DROSHA: variants seen among roughly 807,000 people sequenced by gnomAD.
DROSHA encodes the protein ribonuclease 3.
Under a neutral mutation model 181.9 loss-of-function variants are expected in DROSHA, and 56 were observed. The ratio of observed to expected loss-of-function variants is 0.31; its 90% CI spans 0.25 to 0.38. DROSHA has a LOEUF of 0.38. Ranked by LOEUF, DROSHA falls within the 10% of genes least tolerant of loss-of-function variation. DROSHA has a pLI of 1.00. For synonymous variants in DROSHA, 524 were observed against 591.2 expected, an observed-to-expected ratio of 0.89 and a Z score of 1.65; for missense variants, 1,218 against 1,743.5, an observed-to-expected ratio of 0.70 and a Z score of 5.37.
At chr5:31,418,257 G>A (rs148415130) in intron 30 of DROSHA, among the ~76,000 whole-genome samples, 58 of 152,048 alleles carry the variant, frequency 3.8e-4, no homozygotes, top group African/African-American at 1.4e-3. Context: ...GAGAGAGAGA[G>A]AGAGGGAGAC....
intron 9 of DROSHA, 111 bp downstream of exon 9, chr5:31,510,923 TA>T: frequency 7.4e-7 from 1 of 1,359,562 alleles, no homozygotes; most frequent in South Asian, 1.4e-5. Flanking sequence ...TTAAGAAAAA[TA>T]AAATGAAAAA....
At chr5:31,406,980 A>G (rs1740730555) in intron 33 of DROSHA, 35 bp from the exon 34 acceptor site, 1 of 1,588,878 alleles carries the variant, frequency 6.3e-7, no homozygotes, top group Admixed American at 1.7e-5. Context: ...TATTATGGTA[A>G]AGTGTTATTT....
intron 30 of DROSHA, among the ~76,000 whole-genome samples, chr5:31,419,684 T>C (rs1742431121): frequency 6.6e-6 from 1 of 152,134 alleles, no homozygotes; most frequent in Admixed American, 6.5e-5. Flanking sequence ...CCAGGGGAAA[T>C]GTGTGTATTT....
At chr5:31,463,675 T>C (rs967576226) in intron 20 of DROSHA, among the ~76,000 whole-genome samples, 1 of 152,174 alleles carries the variant, frequency 6.6e-6, no homozygotes, top group Non-Finnish European at 1.5e-5. Flanking sequence ...AAAACAAAAA[T>C]GCTTATTAGT....
chr5:31,524,078 T>C (rs559787662), intron 5 of DROSHA, among the ~76,000 whole-genome samples: 12 of 151,574 alleles, frequency 7.9e-5, no homozygotes, highest in African/African-American at 2.9e-4. Context: ...TAGTTCATGC[T>C]GAAAAGATTT....
rs576944037 is a variant in DROSHA at position 31,426,672 on chromosome 5, G to A, written c.3217-2201C>T. ...CATAGGCACAAAAAGGTGATTCCTA[G>A]TGAATGGCACAAAGAGGGATTAAAA... is the stretch of plus-strand genomic sequence containing the variant. On this transcript the variant is annotated intron_variant, in intron 27 of 35. Transcript: ENST00000344624. Among the ~76,000 whole-genome samples, 240 of 152,212 alleles carry A rather than the reference G, an allele frequency of 1.6e-3. 2 individuals carry two copies. Among genetic ancestry groups the A allele is most frequent in the Non-Finnish European group, 3.7e-4 (25 of 67,996 alleles).
At chr5:31,423,432 T>G (rs907839352) in intron 28 of DROSHA, 2 of 153,230 alleles carry the variant, frequency 1.3e-5, no homozygotes, top group Non-Finnish European at 1.5e-5. Context: ...GGGTCTGCCC[T>G]TTAAAAACTA....
intron 9 of DROSHA, 109 bp from the exon 10 acceptor site, chr5:31,508,884 G>A (rs974172871): frequency 4.7e-5 from 58 of 1,245,162 alleles, no homozygotes; most frequent in Admixed American, 1.2e-4. Context: ...AGTGCAGTGC[G>A]CGATCTCAGC....
rs1472976207 is a variant in DROSHA, at chr5:31,486,571, A to G, written c.1843-9T>C. ...ACTTTACACAGTGGAATCTGCAATA[A>G]AAAGAAGTGAGGTTCAGTTCCCCAA... On this transcript the variant is annotated splice_polypyrimidine_tract_variant and intron_variant, in intron 13 of 35. Transcript: ENST00000344624. 2.5e-6 allele frequency: 4 copies of G among 1,612,622 alleles called. No homozygotes were observed. Among genetic ancestry groups the G allele is most frequent in the Non-Finnish European group, 3.4e-6 (4 of 1,179,308 alleles).
chr5:31,449,420 C>T lies in DROSHA; in HGVS notation c.2683-1G>A. The T allele has an allele frequency of 6.4e-7, 1 of 1,563,062 alleles. No homozygotes were observed. The highest frequency in any genetic ancestry group is 8.7e-7 in the Non-Finnish European group (1 of 1,153,064). On this transcript the variant is annotated splice_acceptor_variant, in intron 21 of 35. Transcript: ENST00000344624. LOFTEE classifies it high-confidence loss of function. ...GATGACTTGGATGAGTCATGGCCAGCTAAAATTTCAATGAAATAAGTTCAG... is the reference window on the plus strand; with the variant it reads ...GATGACTTGGATGAGTCATGGCCAGTTAAAATTTCAATGAAATAAGTTCAG...
chr5:31,408,594 A>G (rs1740926537), intron 33 of DROSHA: 1 of 158,848 alleles, frequency 6.3e-6, no homozygotes, highest in Non-Finnish European at 1.4e-5. Flanking sequence ...TTCTGAGAAG[A>G]AAAGTTCCAA....
chr5:31,466,819 A>G (rs1054882224), intron 18 of DROSHA, among the ~76,000 whole-genome samples: 4 of 152,190 alleles, frequency 2.6e-5, no homozygotes, highest in Non-Finnish European at 5.9e-5. Flanking sequence ...CTAATGGTGT[A>G]TACCAATTTG....
chr5:31,502,854 G>C (rs1561263655), intron 11 of DROSHA, among the ~76,000 whole-genome samples: 1 of 152,232 alleles, frequency 6.6e-6, no homozygotes, highest in East Asian at 1.9e-4. Flanking sequence ...AGCGGGTGGA[G>C]TTTCAGGCAG....
In DROSHA at chr5:31,466,208, C is replaced by G; in HGVS notation, c.2440G>C (p.Asp814His). 1 of 1,613,582 alleles carries G rather than the reference C, an allele frequency of 6.2e-7. No individual in the cohort carries two copies. The highest frequency in any genetic ancestry group is 8.5e-7 in the Non-Finnish European group (1 of 1,179,708). ...LANSPKVKQT[D>H]KQKLAQREEA... ...TCCCTCTGTGCCAGCTTCTGTTTGT[C>G]AGTTTGTTTGACTTTGGGACTATTT... Residue 814 changes from aspartate to histidine, a missense_variant, in exon 19 of 36, where the codon GAC (aspartate) becomes CAC (histidine). Asp to His is a moderately conservative substitution (Grantham distance 81). Around this residue, in one of 8 missense-constraint regions of DROSHA, gnomAD observed 460 missense variants for 774.2 expected, o/e 0.59. Transcript: ENST00000344624.
intron 20 of DROSHA, among the ~76,000 whole-genome samples, chr5:31,461,620 T>G (rs1450219190): frequency 8.5e-5 from 13 of 152,138 alleles, no homozygotes; most frequent in Non-Finnish European, 1.5e-4. Flanking sequence ...CCAGTTCCAG[T>G]TCATTCTGGA....
chr5:31,410,023 C>A (rs1741120047), intron 31 of DROSHA, among the ~76,000 whole-genome samples: 1 of 150,300 alleles, frequency 6.7e-6, no homozygotes, highest in African/African-American at 2.4e-5. Flanking sequence ...TGATTTTCAT[C>A]TTTAAATTAC....
intron 23 of DROSHA, among the ~76,000 whole-genome samples, chr5:31,447,231 C>T (rs1414362705): frequency 5.9e-5 from 9 of 152,112 alleles, no homozygotes; most frequent in Non-Finnish European, 1.3e-4. Flanking sequence ...TAGGGCCTTT[C>T]GGAAGGTGGA....
chr5:31,448,320 T>C (rs1004998214), intron 23 of DROSHA, among the ~76,000 whole-genome samples: 1 of 152,122 alleles, frequency 6.6e-6, no homozygotes, highest in African/African-American at 2.4e-5. Context: ...TGAAAATAAA[T>C]TGGTGGTTGC....
intron 17 of DROSHA, among the ~76,000 whole-genome samples, chr5:31,468,304 C>T (rs1012452987): frequency 7.2e-5 from 11 of 152,104 alleles, no homozygotes; most frequent in African/African-American, 2.7e-4. Flanking sequence ...TTTTGCAGTC[C>T]ACATAGAAAC....
Sources: allele counts gnomAD v4.1 joint callset (sites outside exome capture counted in the v4.1 genomes callset), GRCh38; gene constraint gnomAD v4.1.1; regional missense constraint gnomAD v4.1.1; transcripts MANE v1.5; gene names NCBI Gene and HGNC (gene_info 2026-07-23, HGNC 2026-07-21).